Variants in PLCXD3 observed in about 807,000 individuals in gnomAD.
PLCXD3 encodes the protein PI-PLC X domain-containing protein 3.
PLCXD3 carries 19 observed loss-of-function variants against 25.5 expected under a neutral mutation model. The ratio of observed to expected loss-of-function variants is 0.75; its 90% CI spans 0.52 to 1.09. The LOEUF (loss-of-function observed/expected upper bound fraction) is 1.09. PLCXD3 is among the 50% of genes least tolerant of loss of function. The pLI, the probability that PLCXD3 is intolerant of heterozygous loss-of-function variation, is 0.00. For missense variants in PLCXD3, 411 were observed against 388.1 expected (o/e 1.06, Z -0.50); for synonymous variants, 174 against 137.6 (o/e 1.26, Z -1.85).
chr5:41,377,982 G>A (rs950060583), intron 2 of PLCXD3, among the ~76,000 whole-genome samples: 4 of 152,036 alleles, frequency 2.6e-5, no homozygotes, highest in African/African-American at 7.2e-5. Context: ...TGGCACAGAA[G>A]AACTTACTAC....
In PLCXD3 at chr5:41,307,315, G is replaced by T. The variant is rs1448183758; in HGVS notation, c.*6302C>A. ...GCCACTTATAGGAATTTCAGGAGAG[G>T]AGGTAGCTACTGAAAATGTTTCAAA... is the stretch of plus-strand genomic sequence containing the variant. On this transcript the variant is annotated 3_prime_UTR_variant, in exon 3 of 3. Transcript: ENST00000377801. 1 of 152,602 alleles carries T rather than the reference G, an allele frequency of 6.6e-6. No homozygotes were observed. Among genetic ancestry groups the T allele is most frequent in the Non-Finnish European group, 1.5e-5 (1 of 68,030 alleles). 9.5% of individuals were successfully genotyped at this position (152,602 alleles called of 1,614,324 possible). A position where few individuals can be genotyped will look rare whatever the true frequency, so the allele number is the denominator to read the frequency against.
intron 1 of PLCXD3, among the ~76,000 whole-genome samples, chr5:41,443,891 A>G (rs775811139): frequency 6.6e-6 from 1 of 152,146 alleles, no homozygotes; most frequent in Non-Finnish European, 1.5e-5. Context: ...TGTACCTTTT[A>G]GTTTTTCTTT....
chr5:41,485,701 T>G (rs1320053877), intron 1 of PLCXD3, among the ~76,000 whole-genome samples: 1 of 152,170 alleles, frequency 6.6e-6, no homozygotes, highest in Non-Finnish European at 1.5e-5. Context: ...ATCACACTGC[T>G]TACTCTACAA....
At chr5:41,440,215 ATTTTTTTTTTTTTTTTT>A (rs70988846) in intron 1 of PLCXD3, among the ~76,000 whole-genome samples, 2,289 of 41,186 alleles carry the variant, frequency 0.056, 80 homozygotes, top group Middle Eastern at 0.13. Flanking sequence ...TAATCTCTCA[ATTTTTTTTTTTTTTTTT>A]TTTTTTTTTT....
intron 1 of PLCXD3, 87 bp from the exon 2 acceptor site, chr5:41,382,621 C>T (rs980513261): frequency 2.9e-6 from 3 of 1,026,706 alleles, no homozygotes; most frequent in African/African-American, 3.2e-5. Context: ...CCATACCTCT[C>T]CCTCAAATGA....
chr5:41,463,227 C>G (rs1747935104), intron 1 of PLCXD3, among the ~76,000 whole-genome samples: 1 of 147,824 alleles, frequency 6.8e-6, no homozygotes, highest in Non-Finnish European at 1.5e-5. Context: ...GACTTGGTAC[C>G]TTCTAGACAA....
chr5:41,484,583 T>C (rs960862817), intron 1 of PLCXD3, among the ~76,000 whole-genome samples: 7 of 152,140 alleles, frequency 4.6e-5, no homozygotes. Flanking sequence ...AAGATTGCTT[T>C]TGGGAGAAAC....
intron 2 of PLCXD3, among the ~76,000 whole-genome samples, chr5:41,365,467 C>T (rs1459567602): frequency 6.6e-6 from 1 of 152,170 alleles, no homozygotes; most frequent in Non-Finnish European, 1.5e-5. Flanking sequence ...ATGCCATTCT[C>T]TAGGTTTGCC....
intron 1 of PLCXD3, among the ~76,000 whole-genome samples, chr5:41,420,620 C>T (rs1361147718): frequency 1.3e-5 from 2 of 152,212 alleles, no homozygotes; most frequent in Non-Finnish European, 2.9e-5. Flanking sequence ...GCCAAATCTG[C>T]CATGCTTAGC....
At chr5:41,453,573 C>T (rs564812969) in intron 1 of PLCXD3, among the ~76,000 whole-genome samples, 2 of 152,002 alleles carry the variant, frequency 1.3e-5, no homozygotes, top group Admixed American at 1.3e-4. Context: ...ATATCTTTAC[C>T]TCATCGGTAA....
intron 2 of PLCXD3, among the ~76,000 whole-genome samples, chr5:41,339,883 G>C (rs1486997737): frequency 6.6e-6 from 1 of 152,166 alleles, no homozygotes; most frequent in East Asian, 1.9e-4. Context: ...TTTCAAGGGA[G>C]ATTTGCAGGG....
intron 1 of PLCXD3, among the ~76,000 whole-genome samples, chr5:41,446,170 CCTT>C (rs201655876): frequency 0.043 from 969 of 22,466 alleles, 21 homozygotes; most frequent in African/African-American, 0.069. Context: ...GAGCCAGACT[CCTT>C]CTCAAAAAAA....
intron 2 of PLCXD3, among the ~76,000 whole-genome samples, chr5:41,334,304 C>T (rs933554421): frequency 2.0e-5 from 3 of 152,082 alleles, no homozygotes; most frequent in African/African-American, 7.2e-5. Flanking sequence ...ACCTCACTGC[C>T]AACACATACC....
chr5:41,376,405 C>T (rs1745297797), intron 2 of PLCXD3, among the ~76,000 whole-genome samples: 1 of 152,034 alleles, frequency 6.6e-6, no homozygotes, highest in Non-Finnish European at 1.5e-5. Context: ...GGGTTTCATC[C>T]TCTGAAGTCC....
intron 1 of PLCXD3, among the ~76,000 whole-genome samples, chr5:41,488,289 T>C (rs1468710701): frequency 7.2e-6 from 1 of 139,500 alleles, no homozygotes; most frequent in African/African-American, 2.8e-5. Flanking sequence ...TAGTATTCCA[T>C]GGTGTATATG....
chr5:41,433,400 AC>A (rs1267922032), intron 1 of PLCXD3, among the ~76,000 whole-genome samples: 1 of 151,690 alleles, frequency 6.6e-6, no homozygotes, highest in Non-Finnish European at 1.5e-5. Flanking sequence ...TTTTCTATTC[AC>A]CAGGTACCTA....
At chr5:41,359,633 G>A (rs1008094478) in intron 2 of PLCXD3, among the ~76,000 whole-genome samples, 2 of 151,904 alleles carry the variant, frequency 1.3e-5, no homozygotes, top group African/African-American at 4.8e-5. Context: ...GGTTAATTTT[G>A]CCAATGGTCT....
chr5:41,466,372 CA>C (rs1161120015), intron 1 of PLCXD3, among the ~76,000 whole-genome samples: 1 of 151,824 alleles, frequency 6.6e-6, no homozygotes, highest in African/African-American at 2.4e-5. Context: ...ATTCATAAAA[CA>C]GGAGAAATGT....
chr5:41,411,328 C>T (rs1290254937), intron 1 of PLCXD3, among the ~76,000 whole-genome samples: 1 of 152,118 alleles, frequency 6.6e-6, no homozygotes, highest in East Asian at 1.9e-4. Flanking sequence ...AAATACCAGC[C>T]TTTGATTCTA....
Sources: allele counts gnomAD v4.1 joint callset (sites outside exome capture counted in the v4.1 genomes callset), GRCh38; gene constraint gnomAD v4.1.1; transcripts MANE v1.5; gene names NCBI Gene and HGNC (gene_info 2026-07-23, HGNC 2026-07-21).